FSIP1: variants seen among roughly 807,000 people sequenced by gnomAD.
The protein encoded by FSIP1 is fibrous sheath interacting protein 1.
In FSIP1, 65 loss-of-function variants were observed where a neutral mutation model predicts 60.9. That is an observed-to-expected ratio of 1.07 (90% confidence interval 0.87 to 1.31). The LOEUF (loss-of-function observed/expected upper bound fraction) is 1.31, where lower values mean the gene tolerates loss of function less well. Ranked by LOEUF, FSIP1 falls within the 40% of genes most tolerant of loss-of-function variation. The pLI, the probability that FSIP1 is intolerant of heterozygous loss-of-function variation, is 0.00. For synonymous variants in FSIP1, 209 were observed against 221.2 expected (o/e 0.94, Z 0.49); for missense variants, 675 against 665.5 (o/e 1.01, Z -0.16).
At chr15:39,667,992 C>A (rs935420683) in intron 10 of FSIP1, among the ~76,000 whole-genome samples, 1 of 152,014 alleles carries the variant, frequency 6.6e-6, no homozygotes, top group African/African-American at 2.4e-5. Context: ...AATAACATGA[C>A]CAGAATGTCT....
In FSIP1 at chr15:39,768,654, A is replaced by G. The variant is rs957068155; in HGVS notation, c.310+1773T>C. Among the ~76,000 whole-genome samples the G allele has an allele frequency of 1.3e-5, 2 of 152,324 alleles. 1 individual carries two copies. The highest frequency in any genetic ancestry group is 4.1e-4 in the South Asian group (2 of 4,824). On this transcript the variant is annotated intron_variant, in intron 3 of 11. Coordinates refer to ENST00000350221, the MANE Select transcript of FSIP1 (RefSeq NM_152597.5). ...TGTTTTGGCTAAAGTATATGCAGAA[A>G]ATTTGGCCTCACACAGACAAGTGGT...
At chr15:39,745,096 G>GC (rs1031275926) in intron 5 of FSIP1, among the ~76,000 whole-genome samples, 10 of 89,532 alleles carry the variant, frequency 1.1e-4, no homozygotes, top group South Asian at 3.4e-4. Context: ...GCGCCACCCC[G>GC]CCCCCCACCC....
Position 39,769,095 on chromosome 15 carries a change from C to T in FSIP1, c.310+1332G>A, listed in dbSNP as rs368877463. ...GAGATCGAGACCATCCTGGCTAACA[C>T]GGTGAAACCCCGTCTCTACTAAAAA... On this transcript the variant is annotated intron_variant, in intron 3 of 11. Transcript: ENST00000350221. Among the ~76,000 whole-genome samples, 9 of 152,004 alleles carry T rather than the reference C, an allele frequency of 5.9e-5. 1 individual carries two copies. Among genetic ancestry groups the T allele is most frequent in the Admixed American group, 6.5e-5 (1 of 15,274 alleles).
intron 10 of FSIP1, among the ~76,000 whole-genome samples, chr15:39,643,381 T>C (rs1892457483): frequency 6.6e-6 from 1 of 152,250 alleles, no homozygotes; most frequent in Non-Finnish European, 1.5e-5. Flanking sequence ...AGAGTAATTC[T>C]AGAAAATATT....
intron 8 of FSIP1, among the ~76,000 whole-genome samples, chr15:39,727,481 C>T (rs1906159): frequency 0.21 from 32,089 of 152,078 alleles, 4,259 homozygotes; most frequent in East Asian, 0.41. Flanking sequence ...CAAAGAAACA[C>T]CATGATCAGG....
In FSIP1 at chr15:39,713,245, T is replaced by C. The variant is rs529122171; in HGVS notation, c.1188+199A>G. ...CAAAAGAGACTGAAACCTTTTTTGG[T>C]ACAAGTGTTGGTTACAATTAAACTT... On this transcript the variant is annotated intron_variant, in intron 10 of 11. Coordinates refer to ENST00000350221, the MANE Select transcript of FSIP1 (RefSeq NM_152597.5). 2.0e-5 allele frequency among the ~76,000 whole-genome samples: 3 copies of C among 152,260 alleles called. No homozygotes were observed. In the South Asian group the frequency reaches 6.2e-4, roughly 32 times the overall value.
chr15:39,612,891 C>T (rs12917433), intron 11 of FSIP1, among the ~76,000 whole-genome samples: 33,176 of 151,696 alleles, frequency 0.22, 4,721 homozygotes, highest in Non-Finnish European at 0.31. Flanking sequence ...TTAATATAAA[C>T]GACCAAAAAT....
rs192151317 is a variant in FSIP1, at chr15:39,705,880, C to G, written c.1188+7564G>C. Among the ~76,000 whole-genome samples, 383 of 151,796 alleles carry G rather than the reference C, an allele frequency of 2.5e-3. 1 individual carries two copies. Among genetic ancestry groups the G allele is most frequent in the Middle Eastern group, 6.8e-3 (2 of 294 alleles). ...GGGTGTGCTGGTGCATGCCTGTAGT[C>G]CCAGCTACTCAGGAGGCTAAGGAAG... is the stretch of plus-strand genomic sequence containing the variant. On this transcript the variant is annotated intron_variant, in intron 10 of 11. Coordinates refer to ENST00000350221, the MANE Select transcript of FSIP1 (RefSeq NM_152597.5).
At chr15:39,764,366 C>T (rs1595398402) in intron 4 of FSIP1, among the ~76,000 whole-genome samples, 3 of 152,120 alleles carry the variant, frequency 2.0e-5, no homozygotes, top group African/African-American at 7.2e-5. Context: ...AACGATTTCT[C>T]CAGTTTAAAG....
intron 10 of FSIP1, among the ~76,000 whole-genome samples, chr15:39,683,298 T>C (rs1217601880): frequency 2.0e-5 from 3 of 151,966 alleles, no homozygotes; most frequent in African/African-American, 7.3e-5. Context: ...AAACAACCGA[T>C]GTAATCCACC....
In FSIP1 at chr15:39,640,572, C is replaced by T. The variant is rs147409280; in HGVS notation, c.1189-22327G>A. Reference sequence around the variant, plus strand: ...CGGAAAGAAAACTTCTTTTGTTCCACAGAGTTCTGGGGTACGTGATAAAAG... The same window carrying T: ...CGGAAAGAAAACTTCTTTTGTTCCATAGAGTTCTGGGGTACGTGATAAAAG... On this transcript the variant is annotated intron_variant, in intron 10 of 11. Transcript: ENST00000350221. Among the ~76,000 whole-genome samples, 826 of 152,254 alleles carry T rather than the reference C, an allele frequency of 5.4e-3. 11 individuals are homozygous for T. The highest frequency in any genetic ancestry group is 0.018 in the African/African-American group (767 of 41,522).
rs140787874 is a variant in FSIP1 at position 39,767,631 on chromosome 15, A to C, written c.311-1885T>G. On this transcript the variant is annotated intron_variant, in intron 3 of 11. Transcript: ENST00000350221. ...ACCCGAGACCTTAAGCGTACAAGAC[A>C]CAAGTGGCTGGACGTTGAGAGGAGC... 2.6e-5 allele frequency among the ~76,000 whole-genome samples: 4 copies of C among 152,324 alleles called. No homozygotes were observed. In the East Asian group the frequency reaches 7.7e-4, roughly 29 times the overall value.
intron 10 of FSIP1, among the ~76,000 whole-genome samples, chr15:39,701,997 T>G (rs1895079236): frequency 6.6e-6 from 1 of 152,178 alleles, no homozygotes; most frequent in South Asian, 2.1e-4. Flanking sequence ...AACATTCAAC[T>G]TGGCCCTACA....
chr15:39,773,586 C>T (rs1897958953), intron 2 of FSIP1, among the ~76,000 whole-genome samples: 1 of 152,110 alleles, frequency 6.6e-6, no homozygotes, highest in South Asian at 2.1e-4. Context: ...AAAATTGTCA[C>T]CCAGAAATAA....
intron 10 of FSIP1, among the ~76,000 whole-genome samples, chr15:39,662,730 A>C (rs1182070333): frequency 6.6e-6 from 1 of 152,106 alleles, no homozygotes; most frequent in Non-Finnish European, 1.5e-5. Context: ...AAAAAAAAAA[A>C]AAGACTATAA....
chr15:39,629,089 G>C (rs1891768780), intron 10 of FSIP1, among the ~76,000 whole-genome samples: 2 of 152,136 alleles, frequency 1.3e-5, no homozygotes, highest in South Asian at 4.1e-4. Context: ...AGTTCAACTG[G>C]CCCCTACTTT....
chr15:39,780,111 G>A (rs1483119461), intron 1 of FSIP1, among the ~76,000 whole-genome samples: 1 of 152,158 alleles, frequency 6.6e-6, no homozygotes, highest in Non-Finnish European at 1.5e-5. Context: ...ATAGAGACTT[G>A]CAGGTCTCAT....
Position 39,628,001 on chromosome 15 carries a change from T to C in FSIP1, c.1189-9756A>G, listed in dbSNP as rs558643004. Among the ~76,000 whole-genome samples, 13 of 152,304 alleles carry C rather than the reference T, an allele frequency of 8.5e-5. No individual in the cohort carries two copies. The South Asian group carries it at 2.5e-3, about 29-fold the overall frequency. ...AGCTCCAACCAGCCTCTGCAGACTGTCAACAAGGCTCACATGCTGGCACTG... is the reference window on the plus strand; with the variant it reads ...AGCTCCAACCAGCCTCTGCAGACTGCCAACAAGGCTCACATGCTGGCACTG... On this transcript the variant is annotated intron_variant, in intron 10 of 11. Transcript: ENST00000350221.
chr15:39,712,581 T>C (rs1054370444), intron 10 of FSIP1, among the ~76,000 whole-genome samples: 8 of 152,154 alleles, frequency 5.3e-5, no homozygotes, highest in Non-Finnish European at 1.2e-4. Context: ...CAGAATTTAG[T>C]AGGAGACCAA....
Sources: gnomAD v4.1 joint callset for allele counts (sites outside exome capture counted in the v4.1 genomes callset) on GRCh38, gnomAD v4.1.1 for gene constraint, MANE v1.5 for transcripts, NCBI Gene and HGNC (gene_info 2026-07-23, HGNC 2026-07-21) for gene names.